SNX19: variants seen among roughly 807,000 people sequenced by gnomAD.
SNX19 encodes sorting nexin-19.
Under a neutral mutation model 85.2 loss-of-function variants are expected in SNX19, and 60 were observed. The observed-to-expected ratio is 0.70, with a 90% CI of 0.57 to 0.87. SNX19 has a LOEUF of 0.87. Ranked by LOEUF, SNX19 falls within the 40% of genes least tolerant of loss-of-function variation. The pLI, the probability that SNX19 is intolerant of heterozygous loss-of-function variation, is 0.00. For missense variants in SNX19, 1,201 were observed against 1,217.8 expected (o/e 0.99, Z 0.21); for synonymous variants, 520 against 470.0 (o/e 1.11, Z -1.38).
chr11:130,903,457 T>A, intron 7 of SNX19, 73 bp from the exon 8 acceptor site: 2 of 1,526,750 alleles, frequency 1.3e-6, no homozygotes, highest in South Asian at 2.5e-5. Flanking sequence ...AAGGTACTGG[T>A]GGCACCTGTG....
chr11:130,886,312 C>T (rs997001887), intron 8 of SNX19, among the ~76,000 whole-genome samples: 11 of 152,200 alleles, frequency 7.2e-5, no homozygotes, highest in East Asian at 3.9e-4. Context: ...ATCAGATCTG[C>T]GTGCATGCAT....
In SNX19 at chr11:130,873,187, T is replaced by G. The variant is rs890328359; in HGVS notation, c.*5235A>C. ...CTCACTAGACCGCAGGTCCACAAACTGACTCATGGGACAAACCCGGCCAGC... is the reference window on the plus strand; with the variant it reads ...CTCACTAGACCGCAGGTCCACAAACGGACTCATGGGACAAACCCGGCCAGC... On this transcript the variant is annotated 3_prime_UTR_variant, in exon 11 of 11. Transcript: ENST00000265909. Among the ~76,000 whole-genome samples, 1 of 152,186 alleles carries G rather than the reference T, an allele frequency of 6.6e-6. No individual in the cohort carries two copies. The highest frequency in any genetic ancestry group is 1.5e-5 in the Non-Finnish European group (1 of 68,032).
At chr11:130,902,526 A>AT (rs1437206889) in intron 8 of SNX19, among the ~76,000 whole-genome samples, 1 of 152,226 alleles carries the variant, frequency 6.6e-6, no homozygotes, top group Non-Finnish European at 1.5e-5. Flanking sequence ...AGGACGTCTC[A>AT]TAAGAGGGAG....
At position 130,873,939 on chromosome 11, in the gene SNX19, T is replaced by C. The variant is rs75225772; in HGVS notation, c.*4483A>G. ...ACCTCATCTCTGGGGGAAAATACTA[T>C]TGAAAGCCAATCACAATGCCATTCT... is the stretch of plus-strand genomic sequence containing the variant. On this transcript the variant is annotated 3_prime_UTR_variant, in exon 11 of 11. Coordinates refer to ENST00000265909, the MANE Select transcript of SNX19 (RefSeq NM_014758.3). Among the ~76,000 whole-genome samples the C allele has an allele frequency of 2.9e-3, 443 of 152,278 alleles. 17 individuals are homozygous for C. The East Asian group carries it at 0.079, about 27-fold the overall frequency.
In SNX19 at chr11:130,876,664, T is replaced by G. The variant is rs963427023; in HGVS notation, c.*1758A>C. ...GCTGTCCCCCTATGCTCATCGAGAA[T>G]AGGATCTTAGCCCTCACTGAAGGAG... On this transcript the variant is annotated 3_prime_UTR_variant, in exon 11 of 11. Coordinates refer to ENST00000265909, the MANE Select transcript of SNX19 (RefSeq NM_014758.3). 6.6e-6 allele frequency: 1 copy of G among 152,636 alleles called. No individual in the cohort carries two copies. Among genetic ancestry groups the G allele is most frequent in the African/African-American group, 2.4e-5 (1 of 41,454 alleles). The allele number at this position is 152,636 out of a possible 1,614,324, so 9.5% of individuals were successfully genotyped here. A position where few individuals can be genotyped will look rare whatever the true frequency, so the allele number is the denominator to read the frequency against.
At chr11:130,913,762 T>C (rs1946328326) in intron 1 of SNX19, among the ~76,000 whole-genome samples, 1 of 152,228 alleles carries the variant, frequency 6.6e-6, no homozygotes, top group Non-Finnish European at 1.5e-5. Context: ...TTTTGACTCT[T>C]GGAGGTGTGT....
chr11:130,882,635 C>A (rs1226773295), intron 8 of SNX19, among the ~76,000 whole-genome samples: 1 of 152,218 alleles, frequency 6.6e-6, no homozygotes, highest in African/African-American at 2.4e-5. Flanking sequence ...TTTTATAGGG[C>A]TTTTCATTCA....
rs575206689 is a variant in SNX19 at position 130,900,635 on chromosome 11, T to A, written c.2573+2620A>T. Among the ~76,000 whole-genome samples the A allele has an allele frequency of 2.0e-5, 3 of 152,316 alleles. No individual in the cohort carries two copies. The South Asian group carries it at 6.2e-4, about 32-fold the overall frequency. ...CCCCTTTTATATAAGGATCTCAATC[T>A]TTTTTGAATTTCTCCTAACTCATCT... On this transcript the variant is annotated intron_variant, in intron 8 of 10. Transcript: ENST00000265909.
intron 1 of SNX19, among the ~76,000 whole-genome samples, chr11:130,912,330 T>G (rs570326358): frequency 6.6e-6 from 1 of 152,354 alleles, no homozygotes; most frequent in South Asian, 2.1e-4. Context: ...ACGTATCATC[T>G]GTATCACAGA....
At chr11:130,896,534 A>C (rs1943488152) in intron 8 of SNX19, among the ~76,000 whole-genome samples, 1 of 152,216 alleles carries the variant, frequency 6.6e-6, no homozygotes, top group South Asian at 2.1e-4. Context: ...TCTAGTGGCC[A>C]CTGCTTTGTG....
chr11:130,906,576 C>G, intron 6 of SNX19, 49 bp downstream of exon 6: 3 of 1,305,004 alleles, frequency 2.3e-6, no homozygotes, highest in Non-Finnish European at 3.3e-6. Context: ...ACTGCAGGAC[C>G]AACATCTCAG....
chr11:130,906,762 G>A lies in SNX19; in HGVS notation c.2166-41C>T, dbSNP rs1225068863. ...AGAGCAGAAACAGGTTGTAATTTAT[G>A]GCCTTGAGCCTCACACTAAGGGCTG... On this transcript the variant is annotated intron_variant, in intron 5 of 10. Coordinates refer to ENST00000265909, the MANE Select transcript of SNX19 (RefSeq NM_014758.3). The A allele has an allele frequency of 2.1e-6, 3 of 1,400,814 alleles. No homozygotes were observed. In the Admixed American group the frequency reaches 5.0e-5, roughly 23 times the overall value. 86.8% of individuals were successfully genotyped at this position (1,400,814 alleles called of 1,614,324 possible).
At chr11:130,907,865 G>A in intron 5 of SNX19, 88 bp downstream of exon 5, 1 of 1,565,522 alleles carries the variant, frequency 6.4e-7, no homozygotes, top group Non-Finnish European at 8.7e-7. Context: ...TTTCCTCTAG[G>A]GCTTGAGAAT....
chr11:130,881,336 G>A (rs907779942), intron 8 of SNX19, among the ~76,000 whole-genome samples: 4 of 152,148 alleles, frequency 2.6e-5, no homozygotes, highest in Non-Finnish European at 5.9e-5. Flanking sequence ...AATAAGAATC[G>A]TGTTATTTAT....
At chr11:130,914,237 G>C (rs777777703) in intron 1 of SNX19, 29 bp downstream of exon 1, 4 of 1,511,400 alleles carry the variant, frequency 2.6e-6, no homozygotes, top group East Asian at 2.3e-5. Context: ...CCTAGCCCGG[G>C]TGAGCACCCA....
intron 8 of SNX19, among the ~76,000 whole-genome samples, chr11:130,884,767 G>A (rs916781140): frequency 2.0e-5 from 3 of 151,422 alleles, no homozygotes; most frequent in Non-Finnish European, 2.9e-5. Flanking sequence ...GCTACTCGGG[G>A]AGGCTGAGGC....
intron 8 of SNX19, chr11:130,895,302 C>T (rs999235254): frequency 1.0e-6 from 1 of 970,386 alleles, no homozygotes; most frequent in African/African-American, 1.8e-5. Flanking sequence ...GAATGAAAGA[C>T]TCAGTTTCCA....
intron 4 of SNX19, among the ~76,000 whole-genome samples, chr11:130,909,224 G>A (rs1299630406): frequency 6.6e-6 from 1 of 152,184 alleles, no homozygotes; most frequent in East Asian, 1.9e-4. Context: ...AATGATATCT[G>A]CATGGAACTC....
At chr11:130,880,478 C>T (rs1943576074) in intron 9 of SNX19, 144 bp downstream of exon 9, 1 of 695,088 alleles carries the variant, frequency 1.4e-6, no homozygotes, top group Non-Finnish European at 2.3e-6. Context: ...TCCTATTAGC[C>T]TGGGAAATGA....
Sources: allele counts gnomAD v4.1 joint callset (sites outside exome capture counted in the v4.1 genomes callset), GRCh38; gene constraint gnomAD v4.1.1; transcripts MANE v1.5; gene names NCBI Gene and HGNC (gene_info 2026-07-23, HGNC 2026-07-21).